GABRB3: variants seen among roughly 807,000 people sequenced by gnomAD.
The protein encoded by GABRB3 is gamma-aminobutyric acid receptor subunit beta-3.
Under a neutral mutation model 52.1 loss-of-function variants are expected in GABRB3, and 14 were observed. The observed-to-expected ratio is 0.27, with a 90% CI of 0.18 to 0.42. The LOEUF is 0.42. Ranked by LOEUF, GABRB3 falls within the 10% of genes least tolerant of loss-of-function variation. The probability of loss-of-function intolerance (pLI) is 1.00; values close to 1 mark genes in which losing one functional copy is unlikely to be tolerated. For missense variants in GABRB3, 307 were observed against 609.1 expected, an observed-to-expected ratio of 0.50 and a Z score of 5.22; for synonymous variants, 260 against 232.3, an observed-to-expected ratio of 1.12 and a Z score of -1.08.
intron 3 of GABRB3, among the ~76,000 whole-genome samples, chr15:26,635,742 T>C (rs1010716268): frequency 6.6e-6 from 1 of 152,228 alleles, no homozygotes; most frequent in Non-Finnish European, 1.5e-5. Flanking sequence ...TGCATCTAGA[T>C]CAGGATTTGT....
At chr15:26,742,585 T>C (rs913369054) in intron 3 of GABRB3, among the ~76,000 whole-genome samples, 1 of 152,246 alleles carries the variant, frequency 6.6e-6, no homozygotes, top group Non-Finnish European at 1.5e-5. Context: ...TTGCCAAGGC[T>C]TGACGCACCA....
Position 26,772,785 on chromosome 15 carries a change from C to T in GABRB3, c.81-13G>A, listed in dbSNP as rs25407. ...GGGATCGTTCACACTGGGGGAGGGA[C>T]GGGGAGCACAAAGAGCGGGGTCAGG... On this transcript the variant is annotated splice_polypyrimidine_tract_variant and intron_variant, in intron 1 of 8. Transcript: ENST00000311550. The T allele has an allele frequency of 6.9e-7, 1 of 1,439,902 alleles. No individual in the cohort carries two copies. 89.2% of individuals were successfully genotyped at this position (1,439,902 alleles called of 1,614,324 possible).
At chr15:26,767,284 C>T (rs951113351) in intron 3 of GABRB3, 13 of 152,194 alleles carry the variant, frequency 8.5e-5, no homozygotes, top group African/African-American at 3.1e-4. Flanking sequence ...GAGTCATCCC[C>T]CAGCGTGCTT....
At chr15:26,745,777 T>C (rs1890321390) in intron 3 of GABRB3, among the ~76,000 whole-genome samples, 1 of 152,224 alleles carries the variant, frequency 6.6e-6, no homozygotes, top group African/African-American at 2.4e-5. Context: ...TCCAATTTGG[T>C]GCCTGTAGCA....
chr15:26,760,147 G>C (rs1294545115), intron 3 of GABRB3, among the ~76,000 whole-genome samples: 1 of 152,208 alleles, frequency 6.6e-6, no homozygotes, highest in African/African-American at 2.4e-5. Flanking sequence ...CAAGCTGCCA[G>C]AGGAGATGGG....
At chr15:26,559,065 A>G (rs1045435488) in intron 8 of GABRB3, among the ~76,000 whole-genome samples, 3 of 152,168 alleles carry the variant, frequency 2.0e-5, no homozygotes, top group African/African-American at 7.2e-5. Context: ...GTATTAAACC[A>G]TTCATGATAA....
In GABRB3 at chr15:26,560,974, T is replaced by G. The variant is rs1218463698; in HGVS notation, c.1038A>C (p.Thr346=). 1 of 1,614,160 alleles carries G rather than the reference T, an allele frequency of 6.2e-7. No individual in the cohort carries two copies. Among genetic ancestry groups the G allele is most frequent in the South Asian group, 1.1e-5 (1 of 91,076 alleles). Reference sequence around the variant, plus strand: ...TTGAACGGTCATTCTTTGCCTTGGCTGTCTTTTCTGCAAGCTTCTTCTGCC... The same window carrying G: ...TTGAACGGTCATTCTTTGCCTTGGCGGTCTTTTCTGCAAGCTTCTTCTGCC... ...PQRQKKLAEK[T]AKAKNDRSKS... The change falls in exon 8 of 9, where the codon ACA becomes ACC. Residue 346 remains threonine, a synonymous_variant. Transcript: ENST00000311550.
intron 3 of GABRB3, among the ~76,000 whole-genome samples, chr15:26,681,139 A>C (rs181938093): frequency 6.7e-6 from 1 of 148,916 alleles, no homozygotes; most frequent in African/African-American, 2.5e-5. Flanking sequence ...GATGAGAAAT[A>C]AACAAACCAA....
rs180945077 is a variant in GABRB3, at chr15:26,567,286, A to G, written c.835+295T>C. On this transcript the variant is annotated intron_variant, in intron 7 of 8. Transcript: ENST00000311550. ...GGGCCATGGAATAATTTTGAACAGG[A>G]GATGTTAAACCTTGCTTTAAAATTA... Among the ~76,000 whole-genome samples the G allele has an allele frequency of 2.6e-5, 4 of 152,356 alleles. No individual in the cohort carries two copies. In the East Asian group the frequency reaches 5.8e-4, roughly 22 times the overall value.
Position 26,546,814 on chromosome 15 carries a change from A to G in GABRB3, c.*979T>C, listed in dbSNP as rs935468095. 2 of 152,086 alleles carry G rather than the reference A, an allele frequency of 1.3e-5. No individual in the cohort carries two copies. The highest frequency in any genetic ancestry group is 2.9e-5 in the Non-Finnish European group (2 of 68,014). 9.4% of individuals were successfully genotyped at this position (152,086 alleles called of 1,614,324 possible). On this transcript the variant is annotated 3_prime_UTR_variant, in exon 9 of 9. Coordinates refer to ENST00000311550, the MANE Select transcript of GABRB3 (RefSeq NM_000814.6). Reference sequence around the variant, plus strand: ...ATTTTCTATTAACATACAATGTTATAAGAATGATAACATAACTGCAAGGGG... The same window carrying G: ...ATTTTCTATTAACATACAATGTTATGAGAATGATAACATAACTGCAAGGGG...
intron 3 of GABRB3, among the ~76,000 whole-genome samples, chr15:26,682,635 G>A (rs1218701071): frequency 6.6e-6 from 1 of 152,166 alleles, no homozygotes; most frequent in African/African-American, 2.4e-5. Context: ...AGGGTGACTT[G>A]GAGTAGAGGT....
chr15:26,752,478 T>C (rs550560546), intron 3 of GABRB3, among the ~76,000 whole-genome samples: 56 of 152,186 alleles, frequency 3.7e-4, no homozygotes, highest in Middle Eastern at 6.8e-3. Context: ...TTAGCCAGGA[T>C]GGTCTCGATC....
At chr15:26,616,909 CT>C (rs1566776340) in intron 4 of GABRB3, among the ~76,000 whole-genome samples, 1 of 151,796 alleles carries the variant, frequency 6.6e-6, no homozygotes. Context: ...AAGCTCTTTG[CT>C]TTTAACAAAG....
chr15:26,583,767 T>C (rs1237203908), intron 4 of GABRB3, among the ~76,000 whole-genome samples: 2 of 149,186 alleles, frequency 1.3e-5, no homozygotes. Context: ...AACAAATGTA[T>C]TGTATCACCT....
intron 5 of GABRB3, among the ~76,000 whole-genome samples, chr15:26,582,216 A>G (rs574602631): frequency 2.6e-5 from 4 of 152,308 alleles, no homozygotes; most frequent in African/African-American, 9.6e-5. Flanking sequence ...CCACAGCGGC[A>G]GAGTCCTCTC....
At chr15:26,551,767 C>T (rs2046852109) in intron 8 of GABRB3, among the ~76,000 whole-genome samples, 1 of 152,158 alleles carries the variant, frequency 6.6e-6, no homozygotes, top group South Asian at 2.1e-4. Context: ...ATAGTGACCT[C>T]ATCTGTCCTC....
intron 8 of GABRB3, among the ~76,000 whole-genome samples, chr15:26,554,185 T>TATAAA (rs1567097769): frequency 3.4e-5 from 1 of 29,712 alleles, no homozygotes; most frequent in Non-Finnish European, 6.1e-5. Flanking sequence ...AGTATATATA[T>TATAAA]ATATACTATA....
intron 3 of GABRB3, among the ~76,000 whole-genome samples, chr15:26,694,308 G>T: frequency 6.6e-6 from 1 of 152,070 alleles, no homozygotes; most frequent in South Asian, 2.1e-4. Context: ...AAGGTCACAG[G>T]CCAGGGACAC....
At chr15:26,574,009 CCACT>C (rs1890505586) in intron 6 of GABRB3, among the ~76,000 whole-genome samples, 1 of 152,160 alleles carries the variant, frequency 6.6e-6, no homozygotes, top group African/African-American at 2.4e-5. Flanking sequence ...CAAGATTGTG[CCACT>C]GCACTCCAGC....
Sources: allele counts gnomAD v4.1 joint callset (sites outside exome capture counted in the v4.1 genomes callset), GRCh38; gene constraint gnomAD v4.1.1; transcripts MANE v1.5; gene names NCBI Gene and HGNC (gene_info 2026-07-23, HGNC 2026-07-21).